BPIFB3: variants seen among roughly 807,000 people sequenced by gnomAD.
BPIFB3 encodes BPI fold containing family B member 3, also known as BPI fold-containing family B member 3.
A neutral mutation model predicts 53.1 loss-of-function variants in BPIFB3; 49 were observed. The observed-to-expected ratio is 0.92, with a 90% CI of 0.73 to 1.17. BPIFB3 has a LOEUF of 1.17. BPIFB3 is among the 50% of genes most tolerant of loss of function. The pLI, the probability that BPIFB3 is intolerant of heterozygous loss-of-function variation, is 0.00. For synonymous variants in BPIFB3, 271 were observed against 269.6 expected, an observed-to-expected ratio of 1.01 and a Z score of -0.05; for missense variants, 628 against 592.5, an observed-to-expected ratio of 1.06 and a Z score of -0.62.
intron 12 of BPIFB3, 61 bp from the exon 14 acceptor site, chr20:33,072,043 T>G: frequency 1.3e-6 from 2 of 1,564,618 alleles, no homozygotes; most frequent in Non-Finnish European, 1.8e-6. Flanking sequence ...AACGGGATGC[T>G]GCTGCCTGTA....
chr20:33,066,800 C>G, intron 8 of BPIFB3, 24 bp from the exon 10 acceptor site: 2 of 1,612,730 alleles, frequency 1.2e-6, no homozygotes, highest in Non-Finnish European at 1.7e-6. Flanking sequence ...TGCTCACCAA[C>G]CCTCTCTCCC....
chr20:33,058,700 CT>C (rs1259484338), intron 2 of BPIFB3, among the ~76,000 whole-genome samples: 1 of 152,036 alleles, frequency 6.6e-6, no homozygotes, highest in Non-Finnish European at 1.5e-5. Context: ...GTGGTGGAGT[CT>C]GACAGCGAAG....
At chr20:33,061,723 C>G in intron 4 of BPIFB3, 45 bp from the exon 6 acceptor site, 1 of 1,590,906 alleles carries the variant, frequency 6.3e-7, no homozygotes. Flanking sequence ...CTGGGTTGAA[C>G]CGTCCACCTG....
At chr20:33,059,287 G>T in intron 2 of BPIFB3, 91 bp from the exon 4 acceptor site, 1 of 852,738 alleles carries the variant, frequency 1.2e-6, no homozygotes, top group South Asian at 1.5e-5. Flanking sequence ...GGTTTGAGGT[G>T]AGATAGGGGA....
In BPIFB3 at chr20:33,061,752, G is replaced by C; in HGVS notation, c.528-16G>C. The stretch of plus-strand genomic sequence containing the variant: ...CCACCTGGCAGCCGCACCCACATGT[G>C]TCTCCCTCTGCTCAGGCTGCTGCCC... On this transcript the variant is annotated splice_polypyrimidine_tract_variant and intron_variant, in intron 4 of 14. Transcript: ENST00000375494. 1.2e-6 allele frequency: 2 copies of C among 1,613,982 alleles called. No individual in the cohort carries two copies. The highest frequency in any genetic ancestry group is 1.7e-6 in the Non-Finnish European group (2 of 1,179,880).
At chr20:33,061,906 G>A (rs1980476479) in intron 5 of BPIFB3, 75 bp downstream of exon 6, 1 of 1,551,902 alleles carries the variant, frequency 6.4e-7, no homozygotes, top group Non-Finnish European at 8.9e-7. Context: ...TTTGGGTGAA[G>A]TTTGGCGCCA....
At chr20:33,064,354 A>G in intron 6 of BPIFB3, 103 bp from the exon 8 acceptor site, 1 of 919,798 alleles carries the variant, frequency 1.1e-6, no homozygotes, top group Non-Finnish European at 1.7e-6. Context: ...AATGCTTAGT[A>G]GAGTGCTAGG....
chr20:33,055,280 G>A (rs1339569205), upstream of BPIFB3: 2 of 1,254,614 alleles, frequency 1.6e-6, no homozygotes, highest in African/African-American at 1.5e-5. Flanking sequence ...TTACATTTGG[G>A]AGGAGAAGGC....
At chr20:33,073,618 G>A (rs1365193409) in exon 15 of BPIFB3, 2 of 1,613,768 alleles carry the variant, frequency 1.2e-6, no homozygotes, top group East Asian at 2.2e-5. Context: ...CTGAGACATG[G>A]CCACCAGCCT....
upstream of BPIFB3, among the ~76,000 whole-genome samples, chr20:33,055,172 G>A (rs1980138380): frequency 1.3e-5 from 2 of 152,250 alleles, no homozygotes; most frequent in African/African-American, 4.8e-5. Context: ...AGTTTTCCCA[G>A]CTGAGAAATG....
exon 1 of BPIFB3, chr20:33,055,472 C>T (rs776624763): frequency 2.5e-6 from 4 of 1,613,708 alleles, no homozygotes; most frequent in East Asian, 4.5e-5. Flanking sequence ...GCTCTGGGGC[C>T]TGGCGACTCC....
intron 5 of BPIFB3, among the ~76,000 whole-genome samples, chr20:33,062,732 A>G (rs563527415): frequency 1.2e-4 from 19 of 152,346 alleles, no homozygotes; most frequent in African/African-American, 3.6e-4. Context: ...CTGTTTTGCA[A>G]TCAGCCATCC....
At chr20:33,072,481 A>T (rs1980947192) in intron 13 of BPIFB3, among the ~76,000 whole-genome samples, 2 of 152,074 alleles carry the variant, frequency 1.3e-5, no homozygotes, top group Admixed American at 1.3e-4. Context: ...TAAGGGATTG[A>T]TGAAGCCTTT....
chr20:33,069,914 T>G, exon 11 of BPIFB3: 1 of 1,614,152 alleles, frequency 6.2e-7, no homozygotes, highest in Middle Eastern at 1.7e-4. Context: ...CCCAGCTGGC[T>G]CCCTCGGCTA....
intron 2 of BPIFB3, 56 bp downstream of exon 3, chr20:33,056,754 TGAG>T: frequency 6.6e-7 from 1 of 1,503,922 alleles, no homozygotes; most frequent in Non-Finnish European, 8.8e-7. Flanking sequence ...TTCCAGGAAT[TGAG>T]GAGAGATTGT....
chr20:33,073,547 G>T, intron 14 of BPIFB3, 29 bp from the exon 16 acceptor site: 1 of 1,613,752 alleles, frequency 6.2e-7, no homozygotes, highest in East Asian at 2.2e-5. Flanking sequence ...AGACTCAGGG[G>T]TGTAACCAAG....
intron 8 of BPIFB3, among the ~76,000 whole-genome samples, chr20:33,065,257 A>G (rs1980622675): frequency 6.6e-6 from 1 of 152,124 alleles, no homozygotes; most frequent in Admixed American, 6.5e-5. Flanking sequence ...AGAAAAGAAA[A>G]CTAGGCAGGG....
chr20:33,056,629 GA>G lies in BPIFB3; in HGVS notation c.213del (p.Leu73CysfsTer23), dbSNP rs1318934689. 1.2e-6 allele frequency: 2 copies of G among 1,613,646 alleles called. No individual in the cohort carries two copies. The highest frequency in any genetic ancestry group is 2.7e-5 in the African/African-American group (2 of 74,912). ...GTGAACCGGGGCCTCTTGGGCTCAG[GA>G]GGGCTGCTTGGAGGAGGCGGCTTGC... is the stretch of plus-strand genomic sequence containing the variant. On this transcript the variant is annotated frameshift_variant, in exon 2 of 15. Coordinates refer to ENST00000375494, the Ensembl canonical transcript of BPIFB3. LOFTEE classifies it high-confidence loss of function.
At chr20:33,060,143 TCCTA>T (rs2146382635) in intron 4 of BPIFB3, 112 bp downstream of exon 5, 1 of 1,402,264 alleles carries the variant, frequency 7.1e-7, no homozygotes, top group Non-Finnish European at 9.6e-7. Context: ...CCTGAACTCG[TCCTA>T]CCCCTGCTTG....
Sources: allele counts gnomAD v4.1 joint callset (sites outside exome capture counted in the v4.1 genomes callset), GRCh38; gene constraint gnomAD v4.1.1; transcripts MANE v1.5; gene names NCBI Gene and HGNC (gene_info 2026-07-23, HGNC 2026-07-21).